Variants in P2RY2 observed in about 807,000 individuals in gnomAD.
P2RY2 encodes purinergic receptor P2Y2.
For missense variants in P2RY2, 567 were observed against 515.7 expected, an observed-to-expected ratio of 1.10 and a Z score of -0.96; for synonymous variants, 241 against 231.9, an observed-to-expected ratio of 1.04 and a Z score of -0.35.
At chr11:73,229,375 C>T (rs983226897) in intron 2 of P2RY2, among the ~76,000 whole-genome samples, 7 of 152,082 alleles carry the variant, frequency 4.6e-5, no homozygotes, top group African/African-American at 1.7e-4. Flanking sequence ...CCAGCCAGAC[C>T]AGGGCGCAGC....
intron 1 of P2RY2, among the ~76,000 whole-genome samples, chr11:73,220,991 A>G (rs1862100676): frequency 6.6e-6 from 1 of 152,120 alleles, no homozygotes; most frequent in African/African-American, 2.4e-5. Context: ...CCATTTGTAA[A>G]TTGAGAATGG....
intron 1 of P2RY2, among the ~76,000 whole-genome samples, chr11:73,219,192 T>C (rs112113387): frequency 3.3e-4 from 50 of 152,318 alleles, no homozygotes; most frequent in African/African-American, 1.1e-3. Context: ...CATCCCCAGC[T>C]TCCCAGGACC....
chr11:73,236,184 T>C lies in P2RY2; in HGVS notation c.*891T>C. 1 of 1,000,224 alleles carries C rather than the reference T, an allele frequency of 1.0e-6. No individual in the cohort carries two copies. Among genetic ancestry groups the C allele is most frequent in the Non-Finnish European group, 1.2e-6 (1 of 829,932 alleles). 62.0% of individuals were successfully genotyped at this position (1,000,224 alleles called of 1,614,324 possible). ...TCAGGTGCAGTCCCAGTCCTTGAGA[T>C]TTCCCAGTTTAGGTGATGGCCAGTC... On this transcript the variant is annotated 3_prime_UTR_variant, in exon 3 of 3. Transcript: ENST00000393597.
chr11:73,234,892 C>A lies in P2RY2; in HGVS notation c.733C>A (p.Arg245Ser). The A allele has an allele frequency of 6.2e-7, 1 of 1,610,598 alleles. No individual in the cohort carries two copies. Among genetic ancestry groups the A allele is most frequent in the Non-Finnish European group, 8.5e-7 (1 of 1,179,904 alleles). ...GLPRAKRKSV[R>S]TIAVVLAVFA... ...GCCTAGGGCCAAGCGCAAGTCCGTG[C>A]GCACCATCGCCGTGGTGCTGGCTGT... The change falls in exon 3 of 3, where the codon CGC (arginine) becomes AGC (serine). Residue 245 changes from arginine (R) to serine (S), a missense_variant. Arg to Ser is a moderately radical substitution (Grantham distance 110). Transcript: ENST00000393597.
At chr11:73,228,957 G>T (rs186704778) in intron 2 of P2RY2, among the ~76,000 whole-genome samples, 3 of 152,188 alleles carry the variant, frequency 2.0e-5, no homozygotes, top group African/African-American at 7.2e-5. Flanking sequence ...GTGCCTGTGT[G>T]TGCCTCCTCT....
At chr11:73,228,521 G>A (rs1862352172) in intron 2 of P2RY2, among the ~76,000 whole-genome samples, 1 of 152,190 alleles carries the variant, frequency 6.6e-6, no homozygotes, top group South Asian at 2.1e-4. Context: ...AGAGAATCCT[G>A]ATCAGACCTA....
In P2RY2 at chr11:73,241,903, C is replaced by T. The variant is rs912564406; in HGVS notation, c.*6610C>T. The T allele has an allele frequency of 6.6e-6, 1 of 152,326 alleles. No individual in the cohort carries two copies. The highest frequency in any genetic ancestry group is 1.5e-5 in the Non-Finnish European group (1 of 68,122). The allele number at this position is 152,326 out of a possible 1,614,324, so 9.4% of individuals were successfully genotyped here. On this transcript the variant is annotated 3_prime_UTR_variant, in exon 3 of 3. Transcript: ENST00000393597. ...ATGACCTGATTAGAGTGTGCAACGT[C>T]TTTCCTGCTGGGACTCTGACTGATA...
rs917635166 is a variant in P2RY2, at chr11:73,235,195, A to C, written c.1036A>C (p.Met346Leu). 1.2e-6 allele frequency: 2 copies of C among 1,612,568 alleles called. No homozygotes were observed. Among genetic ancestry groups the C allele is most frequent in the Non-Finnish European group, 1.7e-6 (2 of 1,179,728 alleles). ...LGLRRSDRTD[M>L]QRIEDVLGSS... ...CCTGCGCAGATCCGACAGAACTGAC[A>C]TGCAGAGGATAGAAGATGTGTTGGG... Residue 346 changes from methionine to leucine, a missense_variant, in exon 3 of 3, where the codon ATG (methionine) becomes CTG (leucine). Met to Leu is a conservative substitution (Grantham distance 15, BLOSUM62 2). Transcript: ENST00000393597.
chr11:73,232,007 G>A (rs186558254), intron 2 of P2RY2, among the ~76,000 whole-genome samples: 1 of 152,246 alleles, frequency 6.6e-6, no homozygotes, highest in East Asian at 1.9e-4. Flanking sequence ...CCGAGATCAG[G>A]CCATTGTACT....
chr11:73,236,239 T>C lies in P2RY2; in HGVS notation c.*946T>C, dbSNP rs963154710. The C allele has an allele frequency of 4.2e-6, 4 of 946,490 alleles. No individual in the cohort carries two copies. The highest frequency in any genetic ancestry group is 6.2e-5 in the Admixed American group (1 of 16,214). The allele number at this position is 946,490 out of a possible 1,614,324, so 58.6% of individuals were successfully genotyped here. On this transcript the variant is annotated 3_prime_UTR_variant, in exon 3 of 3. Transcript: ENST00000393597. ...GCTGGTAAATGTTAAGCCATTTAAC[T>C]GGAGCTCCGATTTAACTGGGAACCC...
Position 73,235,040 on chromosome 11 carries a change from T to C in P2RY2, c.881T>C (p.Leu294Pro). The C allele has an allele frequency of 6.2e-7, 1 of 1,608,286 alleles. No individual in the cohort carries two copies. Among genetic ancestry groups the C allele is most frequent in the East Asian group, 2.2e-5 (1 of 44,866 alleles). The change falls in exon 3 of 3, where the codon CTG becomes CCG. Residue 294 changes from leucine (L) to proline (P), a missense_variant. Coordinates refer to ENST00000393597, the MANE Select transcript of P2RY2 (RefSeq NM_002564.4). ...INMAYKVTRP[L>P]ASANSCLDPV... ...ATGGCCTACAAGGTTACCCGGCCGC[T>C]GGCCAGTGCTAACAGTTGCCTTGAC...
rs572741082 is a variant in P2RY2 at position 73,236,219 on chromosome 11, T to G, written c.*926T>G. 88 of 993,574 alleles carry G rather than the reference T, an allele frequency of 8.9e-5. No homozygotes were observed. In the African/African-American group the frequency reaches 1.5e-3, roughly 17 times the overall value. 61.5% of individuals were successfully genotyped at this position (993,574 alleles called of 1,614,324 possible). On this transcript the variant is annotated 3_prime_UTR_variant, in exon 3 of 3. Coordinates refer to ENST00000393597, the MANE Select transcript of P2RY2 (RefSeq NM_002564.4). ...TAGGTGATGGCCAGTCATGTGCTGG[T>G]AAATGTTAAGCCATTTAACTGGAGC...
At chr11:73,219,610 G>A (rs1321543190) in intron 1 of P2RY2, among the ~76,000 whole-genome samples, 2 of 152,194 alleles carry the variant, frequency 1.3e-5, no homozygotes, top group African/African-American at 2.4e-5. Flanking sequence ...CCCTCCCTAG[G>A]GCACAAGCCT....
rs1373295019 is a variant in P2RY2 at position 73,238,346 on chromosome 11, G to T, written c.*3053G>T. Reference sequence around the variant, plus strand: ...ATGAACTGCATGACATCAGGGCAGGGTCCCTGGCACACAGGGGTCTCTGCC... The same window carrying T: ...ATGAACTGCATGACATCAGGGCAGGTTCCCTGGCACACAGGGGTCTCTGCC... On this transcript the variant is annotated 3_prime_UTR_variant, in exon 3 of 3. Transcript: ENST00000393597. Among the ~76,000 whole-genome samples the T allele has an allele frequency of 6.6e-6, 1 of 152,178 alleles. No homozygotes were observed. Among genetic ancestry groups the T allele is most frequent in the Non-Finnish European group, 1.5e-5 (1 of 68,024 alleles).
At position 73,237,941 on chromosome 11, in the gene P2RY2, T is replaced by G. The variant is rs953795982; in HGVS notation, c.*2648T>G. 1.3e-5 allele frequency among the ~76,000 whole-genome samples: 2 copies of G among 152,326 alleles called. No individual in the cohort carries two copies. The highest frequency in any genetic ancestry group is 3.9e-4 in the East Asian group (2 of 5,190). On this transcript the variant is annotated 3_prime_UTR_variant, in exon 3 of 3. Transcript: ENST00000393597. ...TCTCCTATTACCCTCCAATATTCCC[T>G]GCCCCCTTCACACCTCCCTAACCTG...
intron 1 of P2RY2, among the ~76,000 whole-genome samples, chr11:73,221,785 C>T (rs1192567856): frequency 1.3e-5 from 2 of 152,218 alleles, no homozygotes; most frequent in Non-Finnish European, 2.9e-5. Flanking sequence ...CTGTACTCAT[C>T]CAGCGGCCAG....
Position 73,234,606 on chromosome 11 carries a change from C to A in P2RY2, c.447C>A (p.Tyr149Ter). 6.4e-7 allele frequency: 1 copy of A among 1,566,758 alleles called. No homozygotes were observed. Among genetic ancestry groups the A allele is most frequent in the South Asian group, 1.2e-5 (1 of 82,308 alleles). Residue 149 changes from tyrosine to a stop codon, truncating the protein, a stop_gained, in exon 3 of 3, where the codon TAC (tyrosine) becomes TAA (stop). Transcript: ENST00000393597. LOFTEE classifies it low-confidence loss of function (END_TRUNC). ...LRSLRWGRAR[Y>*]ARRVAGAVWV... ...CCCTGCGCTGGGGCCGGGCCCGCTA[C>A]GCTCGCCGGGTGGCCGGGGCCGTGT... is the stretch of plus-strand genomic sequence containing the variant.
intron 2 of P2RY2, among the ~76,000 whole-genome samples, chr11:73,228,407 G>A (rs1862350001): frequency 6.6e-6 from 1 of 152,218 alleles, no homozygotes. Context: ...TGTACAAATA[G>A]CTTAACCTCT....
At chr11:73,219,111 G>A (rs930919894) in intron 1 of P2RY2, among the ~76,000 whole-genome samples, 4 of 152,234 alleles carry the variant, frequency 2.6e-5, no homozygotes, top group African/African-American at 9.6e-5. Context: ...CCAAGGGTTG[G>A]GGACTGCTGG....
Sources: gnomAD v4.1 joint callset for allele counts (sites outside exome capture counted in the v4.1 genomes callset) on GRCh38, gnomAD v4.1.1 for gene constraint, MANE v1.5 for transcripts, NCBI Gene and HGNC (gene_info 2026-07-23, HGNC 2026-07-21) for gene names.